Variants in RERE observed in about 807,000 individuals in gnomAD.
The protein encoded by RERE is arginine-glutamic acid dipeptide repeats protein.
A neutral mutation model predicts 146.1 loss-of-function variants in RERE; 40 were observed. The observed-to-expected ratio is 0.27, with a 90% CI of 0.21 to 0.36. The LOEUF (loss-of-function observed/expected upper bound fraction) is 0.36, where lower values mean the gene tolerates loss of function less well. RERE is among the 10% of genes least tolerant of loss of function. RERE has a pLI of 1.00. For missense variants in RERE, 1,933 were observed against 2,138.7 expected, an observed-to-expected ratio of 0.90 and a Z score of 1.90; for synonymous variants, 1,003 against 866.0, an observed-to-expected ratio of 1.16 and a Z score of -2.78.
At chr1:8,693,581 C>T (rs1639255744) in intron 1 of RERE, among the ~76,000 whole-genome samples, 1 of 151,918 alleles carries the variant, frequency 6.6e-6, no homozygotes, top group Admixed American at 6.6e-5. Flanking sequence ...TGGCCAGGGG[C>T]TTGGGGGCAG....
chr1:8,600,737 A>C lies in RERE; in HGVS notation c.522+13824T>G, dbSNP rs1489300079. Among the ~76,000 whole-genome samples, 29 of 146,690 alleles carry C rather than the reference A, an allele frequency of 2.0e-4. No individual in the cohort carries two copies. In the Admixed American group the frequency reaches 2.1e-3, roughly 10 times the overall value. ...CAAAACACAGAAAAAATTACACTGA[A>C]AACAAGCCAATACTTTTTTTTTTTT... is the stretch of plus-strand genomic sequence containing the variant. On this transcript the variant is annotated intron_variant, in intron 4 of 22. Transcript: ENST00000400908.
intron 12 of RERE, among the ~76,000 whole-genome samples, chr1:8,414,331 G>T (rs1456126541): frequency 6.6e-6 from 1 of 152,070 alleles, no homozygotes; most frequent in Admixed American, 6.5e-5. Flanking sequence ...CGAATCATGA[G>T]GTCAAGAGAT....
At chr1:8,580,376 G>A (rs899993520) in intron 4 of RERE, among the ~76,000 whole-genome samples, 12 of 152,156 alleles carry the variant, frequency 7.9e-5, no homozygotes, top group Non-Finnish European at 1.3e-4. Flanking sequence ...CGTGCTAGAC[G>A]AGTGAAAGCA....
chr1:8,802,650 T>C (rs995339554), intron 1 of RERE, among the ~76,000 whole-genome samples: 1 of 152,206 alleles, frequency 6.6e-6, no homozygotes, highest in African/African-American at 2.4e-5. Context: ...TTTGAGGCAC[T>C]TTCTTCTACC....
chr1:8,483,816 C>T (rs961831503), intron 10 of RERE, among the ~76,000 whole-genome samples: 2 of 152,208 alleles, frequency 1.3e-5, no homozygotes, highest in African/African-American at 4.8e-5. Context: ...CAAACATGTA[C>T]TCTCTTGAAT....
intron 1 of RERE, among the ~76,000 whole-genome samples, chr1:8,678,264 T>C (rs2124389384): frequency 6.6e-6 from 1 of 152,314 alleles, no homozygotes; most frequent in East Asian, 1.9e-4. Context: ...AGGGCACAGA[T>C]TCTTAAGTAA....
At chr1:8,615,105 A>G (rs1375352410) in intron 3 of RERE, among the ~76,000 whole-genome samples, 2 of 152,236 alleles carry the variant, frequency 1.3e-5, no homozygotes, top group Non-Finnish European at 2.9e-5. Context: ...GTTTCTAATG[A>G]CAGAAGCTAG....
chr1:8,759,018 A>G (rs1640701392), intron 1 of RERE, among the ~76,000 whole-genome samples: 1 of 152,148 alleles, frequency 6.6e-6, no homozygotes, highest in Non-Finnish European at 1.5e-5. Context: ...AACTAAAAAG[A>G]TATTTCCCAA....
chr1:8,383,197 G>A (rs1303413837), intron 12 of RERE, among the ~76,000 whole-genome samples: 2 of 151,926 alleles, frequency 1.3e-5, no homozygotes, highest in Non-Finnish European at 2.9e-5. Flanking sequence ...AAGGAGAAGA[G>A]TATTCTGTCT....
chr1:8,475,416 A>C (rs1425827250), intron 10 of RERE, among the ~76,000 whole-genome samples: 1 of 148,986 alleles, frequency 6.7e-6, no homozygotes, highest in East Asian at 2.0e-4. Context: ...GGTGGCTCAC[A>C]CCTGTAATCC....
chr1:8,501,552 G>A (rs1278010892), intron 8 of RERE, among the ~76,000 whole-genome samples: 1 of 124,580 alleles, frequency 8.0e-6, no homozygotes, highest in Non-Finnish European at 1.7e-5. Flanking sequence ...GCCTCTGCCC[G>A]GTCGCCCCTA....
chr1:8,765,169 T>C (rs1306898259), intron 1 of RERE, among the ~76,000 whole-genome samples: 2 of 152,140 alleles, frequency 1.3e-5, no homozygotes, highest in East Asian at 1.9e-4. Context: ...TTGGCATTTA[T>C]TGGGAATGAA....
chr1:8,401,337 G>A (rs1474405723), intron 12 of RERE, among the ~76,000 whole-genome samples: 1 of 151,850 alleles, frequency 6.6e-6, no homozygotes, highest in Non-Finnish European at 1.5e-5. Context: ...GGGTCTTCCA[G>A]AGCCCAAGGT....
chr1:8,408,709 A>G (rs1643525131), intron 12 of RERE, among the ~76,000 whole-genome samples: 1 of 152,196 alleles, frequency 6.6e-6, no homozygotes, highest in Non-Finnish European at 1.5e-5. Flanking sequence ...AACAGGGAGG[A>G]CTTTTCAAAA....
intron 2 of RERE, among the ~76,000 whole-genome samples, chr1:8,638,503 A>G (rs886317124): frequency 2.0e-5 from 3 of 152,196 alleles, no homozygotes; most frequent in African/African-American, 7.2e-5. Context: ...TATGAATCTC[A>G]GCATGAATGG....
intron 1 of RERE, among the ~76,000 whole-genome samples, chr1:8,802,866 T>G (rs1352692848): frequency 1.3e-5 from 2 of 152,046 alleles, no homozygotes; most frequent in South Asian, 2.1e-4. Context: ...TTGAATTAGG[T>G]CTTGTTTACC....
chr1:8,816,153 T>C (rs573525154), intron 1 of RERE, among the ~76,000 whole-genome samples: 1 of 152,208 alleles, frequency 6.6e-6, no homozygotes, highest in African/African-American at 2.4e-5. Flanking sequence ...TTATGAAAAC[T>C]GTTTCAAATC....
chr1:8,363,471 GA>G (rs1641674807), intron 15 of RERE, among the ~76,000 whole-genome samples: 1 of 152,194 alleles, frequency 6.6e-6, no homozygotes, highest in Admixed American at 6.5e-5. Context: ...AGGGGCAGAG[GA>G]AAGTGGATGG....
intron 4 of RERE, among the ~76,000 whole-genome samples, chr1:8,581,752 A>G (rs1247520021): frequency 6.6e-6 from 1 of 152,200 alleles, no homozygotes; most frequent in Non-Finnish European, 1.5e-5. Context: ...TTTTGCATTC[A>G]AGAGATATAA....
Sources: gnomAD v4.1 joint callset for allele counts (sites outside exome capture counted in the v4.1 genomes callset) on GRCh38, gnomAD v4.1.1 for gene constraint, MANE v1.5 for transcripts, NCBI Gene and HGNC (gene_info 2026-07-23, HGNC 2026-07-21) for gene names.